SRD5A2: variants seen among roughly 807,000 people sequenced by gnomAD.
SRD5A2 encodes steroid 5 alpha-reductase 2, also known as 3-oxo-5-alpha-steroid 4-dehydrogenase 2.
In SRD5A2, 30 loss-of-function variants were observed where a neutral mutation model predicts 27.4. That is an observed-to-expected ratio of 1.10 (90% CI 0.82 to 1.49). The LOEUF is 1.49. SRD5A2 is among the 40% of genes most tolerant of loss of function. SRD5A2 has a pLI of 0.00. For missense variants in SRD5A2, 348 were observed against 323.4 expected, an observed-to-expected ratio of 1.08 and a Z score of -0.58; for synonymous variants, 141 against 133.6, an observed-to-expected ratio of 1.06 and a Z score of -0.38.
chr2:31,541,842 A>G (rs1469923225), intron 1 of SRD5A2, among the ~76,000 whole-genome samples: 5 of 152,178 alleles, frequency 3.3e-5, no homozygotes, highest in African/African-American at 1.2e-4. Flanking sequence ...ATGGAAAGTA[A>G]AGCTGGGCTA....
chr2:31,535,505 C>T (rs1666007027), intron 1 of SRD5A2, among the ~76,000 whole-genome samples: 1 of 152,110 alleles, frequency 6.6e-6, no homozygotes. Context: ...GCTCTCCTGG[C>T]CAGTTAATGG....
chr2:31,539,164 G>C (rs1666082026), intron 1 of SRD5A2, among the ~76,000 whole-genome samples: 2 of 152,134 alleles, frequency 1.3e-5, no homozygotes, highest in Admixed American at 1.3e-4. Flanking sequence ...CTAAAAGTTG[G>C]AGAGAACAAG....
chr2:31,601,250 C>T, the SRD5A2 span, among the ~76,000 whole-genome samples: 2 of 151,752 alleles, frequency 1.3e-5, no homozygotes, highest in African/African-American at 4.8e-5. Flanking sequence ...ATCTCCTACC[C>T]CACAGAAATA....
the SRD5A2 span, among the ~76,000 whole-genome samples, chr2:31,661,455 T>C: frequency 6.1e-4 from 93 of 152,288 alleles, no homozygotes; most frequent in African/African-American, 2.0e-3. Flanking sequence ...AAACCTGTCC[T>C]GTGCTACACA....
chr2:31,647,273 A>G, the SRD5A2 span, among the ~76,000 whole-genome samples: 1 of 152,202 alleles, frequency 6.6e-6, no homozygotes, highest in Non-Finnish European at 1.5e-5. Flanking sequence ...TAAACTGTGT[A>G]ATCTGATTCA....
intron 1 of SRD5A2, among the ~76,000 whole-genome samples, chr2:31,548,031 T>A (rs530003400): frequency 1.3e-5 from 2 of 152,142 alleles, no homozygotes; most frequent in African/African-American, 4.8e-5. Flanking sequence ...CTGGGAAAAC[T>A]GGATATCCAT....
intron 1 of SRD5A2, among the ~76,000 whole-genome samples, chr2:31,566,492 T>A (rs28383008): frequency 6.6e-6 from 1 of 152,158 alleles, no homozygotes; most frequent in Non-Finnish European, 1.5e-5. Flanking sequence ...AAATATAAAT[T>A]ACCATGATTA....
At chr2:31,609,538 T>C in the SRD5A2 span, among the ~76,000 whole-genome samples, 7 of 152,136 alleles carry the variant, frequency 4.6e-5, no homozygotes, top group Admixed American at 2.6e-4. Context: ...TAACAAATGA[T>C]GTTGGTACAA....
Position 31,523,615 on chromosome 2 carries a change from A to C in SRD5A2, c.*2581T>G, listed in dbSNP as rs922133114. On this transcript the variant is annotated 3_prime_UTR_variant, in exon 5 of 5. Transcript: ENST00000622030. ...ACTCAACATTTTCTTCAAGGTTGGC[A>C]GGAAAACGCCTCTTCCGTGAAAGCT... 1 of 219,344 alleles carries C rather than the reference A, an allele frequency of 4.6e-6. No individual in the cohort carries two copies. The highest frequency in any genetic ancestry group is 2.2e-5 in the African/African-American group (1 of 44,562). 13.6% of individuals were successfully genotyped at this position (219,344 alleles called of 1,614,324 possible).
intron 1 of SRD5A2, among the ~76,000 whole-genome samples, chr2:31,552,245 C>G (rs1666395196): frequency 6.7e-6 from 1 of 149,742 alleles, no homozygotes; most frequent in Non-Finnish European, 1.5e-5. Flanking sequence ...AGAACAGCCA[C>G]ATTAAAACAA....
intron 1 of SRD5A2, among the ~76,000 whole-genome samples, chr2:31,540,295 A>T (rs562561811): frequency 6.6e-6 from 1 of 152,300 alleles, no homozygotes; most frequent in South Asian, 2.1e-4. Flanking sequence ...GAACAAATAT[A>T]AAACAAAAAA....
chr2:31,563,485 T>C lies in SRD5A2; in HGVS notation c.281+17135A>G, dbSNP rs577292649. On this transcript the variant is annotated intron_variant, in intron 1 of 4. Coordinates refer to ENST00000622030, the MANE Select transcript of SRD5A2 (RefSeq NM_000348.4). The stretch of plus-strand genomic sequence containing the variant: ...GAAAAAAATGACTCACACCACCTCA[T>C]AACTGACCCAGCTTCCTGGTTTGAG... 4 of 152,088 alleles carry C rather than the reference T, an allele frequency of 2.6e-5. No individual in the cohort carries two copies. In the East Asian group the frequency reaches 7.7e-4, roughly 29 times the overall value. The allele number at this position is 152,088 out of a possible 1,614,324, so 9.4% of individuals were successfully genotyped here.
At chr2:31,592,836 A>G in the SRD5A2 span, among the ~76,000 whole-genome samples, 1 of 152,226 alleles carries the variant, frequency 6.6e-6, no homozygotes, top group Non-Finnish European at 1.5e-5. Flanking sequence ...ACCAAGAATA[A>G]GTCTTTGAAT....
rs574377752 is a variant in SRD5A2, at chr2:31,529,451, A to G, written c.554T>C (p.Leu185Ser). The change falls in exon 4 of 5, where the codon TTG becomes TCG. Residue 185 changes from leucine (L) to serine (S), a missense_variant. Leu to Ser is a moderately radical substitution (Grantham distance 145). Transcript: ENST00000622030. Reference protein sequence around the residue: ...EISYRIPQGGLFTYVSGANFL... With the variant: ...EISYRIPQGGSFTYVSGANFL... Reference sequence around the variant, plus strand: ...ATTGGCTCCAGAAACATACGTAAACAAGCCACCTGCGTGCAGAAGAATCGG... The same window carrying G: ...ATTGGCTCCAGAAACATACGTAAACGAGCCACCTGCGTGCAGAAGAATCGG... 10 of 1,613,008 alleles carry G rather than the reference A, an allele frequency of 6.2e-6. No individual in the cohort carries two copies. In the East Asian group the frequency reaches 2.0e-4, roughly 32 times the overall value.
chr2:31,561,598 G>A (rs1298513295), intron 1 of SRD5A2, among the ~76,000 whole-genome samples: 1 of 152,118 alleles, frequency 6.6e-6, no homozygotes, highest in African/African-American at 2.4e-5. Flanking sequence ...GGCATGTCCT[G>A]GTAATACTGG....
At chr2:31,657,525 TGA>T in the SRD5A2 span, among the ~76,000 whole-genome samples, 3 of 152,146 alleles carry the variant, frequency 2.0e-5, no homozygotes, top group Non-Finnish European at 4.4e-5. Flanking sequence ...CAAAGCATTG[TGA>T]GTACAGGTGT....
the SRD5A2 span, among the ~76,000 whole-genome samples, chr2:31,618,124 G>A: frequency 6.6e-6 from 1 of 152,134 alleles, no homozygotes; most frequent in Admixed American, 6.6e-5. Flanking sequence ...AGAGTAAGGT[G>A]TTACATGGCA....
chr2:31,540,792 G>A (rs184530843), intron 1 of SRD5A2, among the ~76,000 whole-genome samples: 2 of 152,366 alleles, frequency 1.3e-5, no homozygotes, highest in South Asian at 2.1e-4. Context: ...GCAGGCAGCT[G>A]TGCATGTATT....
chr2:31,659,059 T>C, the SRD5A2 span, among the ~76,000 whole-genome samples: 753 of 152,218 alleles, frequency 4.9e-3, 9 homozygotes, highest in African/African-American at 0.017. Context: ...GGTTAACATA[T>C]GCAAATCAAT....
Sources: allele counts gnomAD v4.1 joint callset (sites outside exome capture counted in the v4.1 genomes callset), GRCh38; gene constraint gnomAD v4.1.1; transcripts MANE v1.5; gene names NCBI Gene and HGNC (gene_info 2026-07-23, HGNC 2026-07-21).